The following DSCAML1 variants were observed in gnomAD, a reference collection of about 807,000 sequenced individuals.
DSCAML1 encodes the protein DS cell adhesion molecule like 1, also known as cell adhesion molecule DSCAML1.
A neutral mutation model predicts 200.5 loss-of-function variants in DSCAML1; 38 were observed. That is an observed-to-expected ratio of 0.19 (90% confidence interval 0.15 to 0.25). The LOEUF (loss-of-function observed/expected upper bound fraction) is 0.25. DSCAML1 is among the 10% of genes least tolerant of loss of function. The probability of loss-of-function intolerance (pLI) is 1.00; values close to 1 mark genes in which losing one functional copy is unlikely to be tolerated. For missense variants in DSCAML1, 2,223 were observed against 2,858.8 expected (o/e 0.78, Z 5.07); for synonymous variants, 1,215 against 1,165.0 (o/e 1.04, Z -0.87).
chr11:117,591,022 G>A (rs1055485847), intron 3 of DSCAML1, among the ~76,000 whole-genome samples: 1 of 152,126 alleles, frequency 6.6e-6, no homozygotes, highest in Non-Finnish European at 1.5e-5. Context: ...TGTGAAATAT[G>A]AGTGATGGGT....
chr11:117,430,957 A>G lies in DSCAML1; in HGVS notation c.5451T>C (p.His1817=). The change falls in exon 32 of 33, where the codon CAT becomes CAC. Residue 1817 remains histidine (H), a synonymous_variant. Coordinates refer to ENST00000651296, the MANE Select transcript of DSCAML1 (RefSeq NM_020693.4). ...TYEELARAYE[H]AKLEEQLQHA... Reference sequence around the variant, plus strand: ...GCTGCAGCTGCTCCTCCAGCTTGGCATGCTCATAGGCCCGGGCCAGCTCCT... The same window carrying G: ...GCTGCAGCTGCTCCTCCAGCTTGGCGTGCTCATAGGCCCGGGCCAGCTCCT... The G allele has an allele frequency of 6.2e-7, 1 of 1,614,168 alleles. No individual in the cohort carries two copies. Among genetic ancestry groups the G allele is most frequent in the Non-Finnish European group, 8.5e-7 (1 of 1,180,030 alleles).
rs143875346 is a variant in DSCAML1, at chr11:117,428,363, C to G, written c.6127G>C (p.Ala2043Pro). The part of the protein sequence containing the change: ...SGVGRSQKQG[A>P]GAYSKSYTLV ...GTGTAGGATTTGGAGTAGGCCCCGG[C>G]CCCCTGCTTCTGAGACCTCCCTACC... The change falls in exon 33 of 33, where the codon GCC (alanine) becomes CCC (proline). Residue 2043 changes from alanine to proline, a missense_variant. By Grantham distance (27) the Ala-to-Pro change is conservative (BLOSUM62 -1). Transcript: ENST00000651296. The G allele has an allele frequency of 6.3e-6, 10 of 1,583,694 alleles. No homozygotes were observed. The South Asian group carries it at 9.0e-5, about 14-fold the overall frequency.
chr11:117,495,873 A>G (rs947973776), intron 11 of DSCAML1, among the ~76,000 whole-genome samples: 11 of 152,172 alleles, frequency 7.2e-5, no homozygotes, highest in Non-Finnish European at 1.5e-4. Context: ...TCCATGCTCA[A>G]GATCTTAATA....
chr11:117,759,248 A>T (rs890788044), intron 3 of DSCAML1, among the ~76,000 whole-genome samples: 1 of 152,090 alleles, frequency 6.6e-6, no homozygotes, highest in Non-Finnish European at 1.5e-5. Flanking sequence ...TGACAAACCA[A>T]TTCTACCACC....
chr11:117,560,472 TGA>T (rs772732533), intron 3 of DSCAML1, among the ~76,000 whole-genome samples: 1 of 152,170 alleles, frequency 6.6e-6, no homozygotes, highest in Non-Finnish European at 1.5e-5. Context: ...GTAGACCAGG[TGA>T]GAGTTGATAA....
In DSCAML1 at chr11:117,518,750, C is replaced by T. The variant is rs756562324; in HGVS notation, c.1226G>A (p.Arg409His). 6.8e-6 allele frequency: 11 copies of T among 1,611,250 alleles called. No individual in the cohort carries two copies. Among genetic ancestry groups the T allele is most frequent in the African/African-American group, 2.7e-5 (2 of 74,944 alleles). The change falls in exon 7 of 33, where the codon CGC becomes CAC. Residue 409 changes from arginine (R) to histidine (H), a missense_variant. Coordinates refer to ENST00000651296, the MANE Select transcript of DSCAML1 (RefSeq NM_020693.4). The surrounding 1 kb of genome is among the most constrained non-coding windows in gnomAD (Gnocchi z 6.3). ...CTTCTCGCTGAAGGACGAGACGATG[C>T]GGGGCGTGCCATCTGCAGGGAGCGA... ...AIIALEDGTP[R>H]IVSSFSEKVV...
At chr11:117,648,229 G>A (rs1040384368) in intron 3 of DSCAML1, among the ~76,000 whole-genome samples, 1 of 152,204 alleles carries the variant, frequency 6.6e-6, no homozygotes, top group Admixed American at 6.5e-5. Context: ...CCAGCTGTGT[G>A]TCCATGGGGT....
chr11:117,782,590 G>A (rs773911431), intron 1 of DSCAML1, among the ~76,000 whole-genome samples: 20 of 152,148 alleles, frequency 1.3e-4, no homozygotes, highest in Non-Finnish European at 2.4e-4. Flanking sequence ...TGGCTGGAGT[G>A]TTCCCCAAGA....
chr11:117,529,409 C>T (rs1429439524), intron 4 of DSCAML1, among the ~76,000 whole-genome samples: 1 of 152,176 alleles, frequency 6.6e-6, no homozygotes, highest in Non-Finnish European at 1.5e-5. Flanking sequence ...GTTTCATTCT[C>T]ATGGCAACCC....
At chr11:117,717,019 C>A (rs1250819695) in intron 3 of DSCAML1, among the ~76,000 whole-genome samples, 7 of 151,746 alleles carry the variant, frequency 4.6e-5, no homozygotes. Context: ...ACCCCAGCAC[C>A]AGGCTGTGTC....
In DSCAML1 at chr11:117,767,153, G is replaced by A. The variant is rs181860962; in HGVS notation, c.511+9638C>T. On this transcript the variant is annotated intron_variant, in intron 3 of 32. Transcript: ENST00000651296. ...ATACAAACCGAAGGTGATGCCGGCC[G>A]CAGGGCACAGATGGAGAAGTGGCCC... 1.5e-3 allele frequency among the ~76,000 whole-genome samples: 228 copies of A among 152,244 alleles called. 1 individual carries two copies. Among genetic ancestry groups the A allele is most frequent in the Admixed American group, 0.013 (193 of 15,296 alleles).
intron 3 of DSCAML1, among the ~76,000 whole-genome samples, chr11:117,651,573 G>A (rs1029908115): frequency 1.8e-4 from 28 of 151,436 alleles, no homozygotes; most frequent in African/African-American, 5.6e-4. Flanking sequence ...TTAGCCGGCC[G>A]TGGTGGCGGG....
chr11:117,619,322 C>G (rs531866119), intron 3 of DSCAML1, among the ~76,000 whole-genome samples: 1 of 152,292 alleles, frequency 6.6e-6, no homozygotes, highest in South Asian at 2.1e-4. Flanking sequence ...GCCTGGGGCA[C>G]CCGATGGGCA....
intron 8 of DSCAML1, among the ~76,000 whole-genome samples, chr11:117,515,610 C>CTTTTTTTTTTTTTT (rs56765238): frequency 0.013 from 858 of 65,092 alleles, 200 homozygotes; most frequent in African/African-American, 0.019. Context: ...AGGGACGAAG[C>CTTTTTTTTTTTTTT]TTTTTTTTTT....
At chr11:117,664,910 C>T (rs1211120472) in intron 3 of DSCAML1, among the ~76,000 whole-genome samples, 2 of 152,208 alleles carry the variant, frequency 1.3e-5, no homozygotes, top group African/African-American at 4.8e-5. Context: ...CTGCTGGGCA[C>T]CTTCAGAACC....
At chr11:117,519,882 T>C (rs1399042280) in intron 6 of DSCAML1, among the ~76,000 whole-genome samples, 4 of 152,170 alleles carry the variant, frequency 2.6e-5, no homozygotes, top group Non-Finnish European at 5.9e-5. Context: ...GGGTGAGGAA[T>C]GAGGGCTTAG....
chr11:117,521,083 C>G, intron 6 of DSCAML1, 47 bp downstream of exon 6: 2 of 1,592,280 alleles, frequency 1.3e-6, no homozygotes, highest in Middle Eastern at 2.1e-4. Context: ...AGGGAATGAG[C>G]TCGGCAGCCC....
rs141118196 is a variant in DSCAML1 at position 117,521,327 on chromosome 11, G to A, written c.1016C>T (p.Thr339Met). Residue 339 changes from threonine (T) to methionine (M), a missense_variant, in exon 6 of 33, where the codon ACG (threonine) becomes ATG (methionine). Around this residue, in one of 7 missense-constraint regions of DSCAML1, gnomAD observed 579 missense variants for 721.5 expected, o/e 0.80. Coordinates refer to ENST00000651296, the MANE Select transcript of DSCAML1 (RefSeq NM_020693.4). ...GCGGATGGTGAACTCTGGGGAGCCC[G>A]TCAGGGCACAGGAGAGGATGACCGT... is the stretch of plus-strand genomic sequence containing the variant. ...GSTVILSCAL[T>M]GSPEFTIRWY... 87 of 1,614,062 alleles carry A rather than the reference G, an allele frequency of 5.4e-5. No individual in the cohort carries two copies. Among genetic ancestry groups the A allele is most frequent in the Non-Finnish European group, 6.6e-5 (78 of 1,180,036 alleles).
At chr11:117,659,886 A>T (rs1377311198) in intron 3 of DSCAML1, among the ~76,000 whole-genome samples, 1 of 151,318 alleles carries the variant, frequency 6.6e-6, no homozygotes, top group Non-Finnish European at 1.5e-5. Context: ...GCCTAGCTAA[A>T]TTTTTTTTTG....
Sources: allele counts gnomAD v4.1 joint callset (sites outside exome capture counted in the v4.1 genomes callset), GRCh38; gene constraint gnomAD v4.1.1; regional missense constraint gnomAD v4.1.1; non-coding constraint Gnocchi (gnomAD v3.1); transcripts MANE v1.5; gene names NCBI Gene and HGNC (gene_info 2026-07-23, HGNC 2026-07-21).